HIP1R: variants seen among roughly 807,000 people sequenced by gnomAD.
The protein encoded by HIP1R is huntingtin interacting protein 1 related, also known as huntingtin-interacting protein 1-related protein.
HIP1R carries 135 observed loss-of-function variants against 144.2 expected under a neutral mutation model. That is an observed-to-expected ratio of 0.94 (90% CI 0.81 to 1.08). The LOEUF is 1.08. HIP1R is among the 50% of genes least tolerant of loss of function. The pLI is 0.00. For missense variants in HIP1R, 1,462 were observed against 1,432.8 expected (o/e 1.02, Z -0.33); for synonymous variants, 698 against 612.8 (o/e 1.14, Z -2.05).
At chr12:122,857,842 C>G (rs1264171707) in intron 18 of HIP1R, 10 of 401,422 alleles carry the variant, frequency 2.5e-5, no homozygotes, top group Non-Finnish European at 4.4e-5. Context: ...TGCTACATAT[C>G]TTTTCATGAG....
At chr12:122,858,470 T>C in intron 20 of HIP1R, 35 bp downstream of exon 20, 13 of 1,519,196 alleles carry the variant, frequency 8.6e-6, no homozygotes, top group Non-Finnish European at 1.1e-5. Context: ...AGGCGGGGGC[T>C]GTGTCCCAGT....
chr12:122,842,751 C>T (rs907356334), intron 1 of HIP1R, among the ~76,000 whole-genome samples: 7 of 152,236 alleles, frequency 4.6e-5, no homozygotes, highest in Admixed American at 1.3e-4. Context: ...AGCAGCCTCT[C>T]GGGAGCGTCC....
intron 2 of HIP1R, 121 bp from the exon 3 acceptor site, chr12:122,848,345 G>A (rs962157851): frequency 1.5e-5 from 19 of 1,260,928 alleles, no homozygotes; most frequent in South Asian, 2.9e-5. Context: ...CTGGTGACCC[G>A]GGGTTGATGG....
At chr12:122,851,119 G>A in intron 6 of HIP1R, 117 bp from the exon 7 acceptor site, 1 of 973,918 alleles carries the variant, frequency 1.0e-6, no homozygotes, top group Non-Finnish European at 1.5e-6. Flanking sequence ...GAGGCACGCT[G>A]TCTCACCAGA....
intron 24 of HIP1R, 23 bp downstream of exon 24, chr12:122,859,853 C>G (rs763255926): frequency 1.9e-5 from 30 of 1,607,970 alleles, no homozygotes; most frequent in Non-Finnish European, 2.4e-5. Context: ...TCTGTCCCCC[C>G]AGGCCCAGCC....
rs746866035 is a variant in HIP1R at position 122,856,293 on chromosome 12, G to A, written c.1350G>A (p.Leu450=). The A allele has an allele frequency of 6.2e-7, 1 of 1,613,882 alleles. No individual in the cohort carries two copies. The highest frequency in any genetic ancestry group is 8.5e-7 in the Non-Finnish European group (1 of 1,179,982). Residue 450 remains leucine (L), a synonymous_variant, in exon 15 of 32, where the codon CTG becomes CTA. Coordinates refer to ENST00000253083, the MANE Select transcript of HIP1R (RefSeq NM_003959.3). ...CCACGGAGGCGCGCTACAACAAGCT[G>A]AAGGAAAAGCACAGTGAGCTCGTCC... ...ASATEARYNK[L]KEKHSELVHV...
Position 122,855,390 on chromosome 12 carries a change from C to G in HIP1R, c.978C>G (p.Pro326=), listed in dbSNP as rs748278918. The change falls in exon 11 of 32, where the codon CCC becomes CCG. Residue 326 remains proline, a synonymous_variant. Coordinates refer to ENST00000253083, the MANE Select transcript of HIP1R (RefSeq NM_003959.3). ...ENLIEISTGP[P]AGEPVVVADL... is the part of the protein sequence containing the mutation. ...TCATTGAGATCAGCACAGGGCCCCC[C>G]GCGGGGGAGCCAGTGGTGAGCCCCC... 1 of 1,571,920 alleles carries G rather than the reference C, an allele frequency of 6.4e-7. No homozygotes were observed. The highest frequency in any genetic ancestry group is 1.4e-5 in the African/African-American group (1 of 73,760).
rs1210735012 is a variant in HIP1R at position 122,858,367 on chromosome 12, C to T, written c.1982C>T (p.Ala661Val). Residue 661 changes from alanine to valine, a missense_variant, in exon 20 of 32, where the codon GCC (alanine) becomes GTC (valine). By Grantham distance (64) the Ala-to-Val change is moderately conservative. Transcript: ENST00000253083. ...CTTGCAGACTACCTGGTGAGCAGGG[C>T]CCAGGAGGCCTTGGATGCCGTGAGC... is the stretch of plus-strand genomic sequence containing the variant. ...TSSPDYLVSRAQEALDAVSTL... is the reference protein window; with the variant it reads ...TSSPDYLVSRVQEALDAVSTL... 3 of 1,610,542 alleles carry T rather than the reference C, an allele frequency of 1.9e-6. No homozygotes were observed. Among genetic ancestry groups the T allele is most frequent in the Non-Finnish European group, 2.5e-6 (3 of 1,178,194 alleles).
At position 122,862,850 on chromosome 12, in the gene HIP1R, C is replaced by G. The variant is rs934503850; in HGVS notation, c.*1097C>G. ...CTCTGGAAAGGCTACCAAATACTGGCCAAGGTCAGGAGGAGCAAAAATGAG... is the reference window on the plus strand; with the variant it reads ...CTCTGGAAAGGCTACCAAATACTGGGCAAGGTCAGGAGGAGCAAAAATGAG... On this transcript the variant is annotated 3_prime_UTR_variant, in exon 32 of 32. Coordinates refer to ENST00000253083, the MANE Select transcript of HIP1R (RefSeq NM_003959.3). 1 of 152,138 alleles carries G rather than the reference C, an allele frequency of 6.6e-6. No homozygotes were observed. Among genetic ancestry groups the G allele is most frequent in the Non-Finnish European group, 1.5e-5 (1 of 68,014 alleles). The allele number at this position is 152,138 out of a possible 1,614,324, so 9.4% of individuals were successfully genotyped here.
In HIP1R at chr12:122,855,362, A is replaced by C; in HGVS notation, c.950A>C (p.Asn317Thr). ...EEAPEDEEPE[N>T]LIEISTGPPA... The stretch of plus-strand genomic sequence containing the variant: ...GCCCCGGAAGATGAGGAGCCGGAGA[A>C]TCTCATTGAGATCAGCACAGGGCCC... Residue 317 changes from asparagine to threonine, a missense_variant, in exon 11 of 32, where the codon AAT becomes ACT. Asn to Thr is a moderately conservative substitution (Grantham distance 65, BLOSUM62 0). This residue lies in a region of HIP1R where 1,112 missense variants were observed against 1,011.7 expected (regional missense o/e 1.10). Transcript: ENST00000253083. 1.4e-5 allele frequency: 23 copies of C among 1,600,188 alleles called. No individual in the cohort carries two copies. The highest frequency in any genetic ancestry group is 1.8e-5 in the Non-Finnish European group (21 of 1,174,560).
chr12:122,860,430 C>T lies in HIP1R; in HGVS notation c.2567C>T (p.Ala856Val). 2 of 1,613,382 alleles carry T rather than the reference C, an allele frequency of 1.2e-6. No individual in the cohort carries two copies. Among genetic ancestry groups the T allele is most frequent in the Non-Finnish European group, 1.7e-6 (2 of 1,179,968 alleles). ...KEIVESGRGA[A>V]TQQEFYAKNS... ...TTCTCCCGTCGCCACTAGGGGGCAG[C>T]CACGCAGCAGGAATTTTACGCCAAG... The change falls in exon 27 of 32, where the codon GCC (alanine) becomes GTC (valine). Residue 856 changes from alanine to valine, a missense_variant. Ala to Val is a moderately conservative substitution (Grantham distance 64). Around this residue, in one of 2 missense-constraint regions of HIP1R, gnomAD observed 1,112 missense variants for 1,011.7 expected, o/e 1.10. Coordinates refer to ENST00000253083, the MANE Select transcript of HIP1R (RefSeq NM_003959.3).
At chr12:122,860,587 TCAA>T (rs1171453168) in intron 27 of HIP1R, 64 bp downstream of exon 27, 2 of 1,547,084 alleles carry the variant, frequency 1.3e-6, no homozygotes, top group Non-Finnish European at 1.8e-6. Context: ...AGTTTGGGGT[TCAA>T]CAGGGTGCAG....
At chr12:122,845,283 C>T (rs555829593) in intron 1 of HIP1R, among the ~76,000 whole-genome samples, 15 of 152,194 alleles carry the variant, frequency 9.9e-5, no homozygotes, top group Admixed American at 5.2e-4. Flanking sequence ...TGGTCAGAGG[C>T]GAGGCCCACG....
At chr12:122,850,693 T>TG (rs534677191) in intron 5 of HIP1R, 142 bp from the exon 6 acceptor site, 15,050 of 51,770 alleles carry the variant, frequency 0.29, 6,032 homozygotes, top group Non-Finnish European at 0.35. Flanking sequence ...GCCGCTGGGT[T>TG]GGGGGGCCCT....
At position 122,857,232 on chromosome 12, in the gene HIP1R, T is replaced by A. The variant is rs2033613882; in HGVS notation, c.1815+17T>A. The A allele has an allele frequency of 6.5e-7, 1 of 1,548,584 alleles. No individual in the cohort carries two copies. The highest frequency in any genetic ancestry group is 1.4e-5 in the African/African-American group (1 of 73,016). Reference sequence around the variant, plus strand: ...GCAGAGAGGGTATGGCCTCCCCAGATGCAGCAGCACCACTGAGTTCACTGC... The same window carrying A: ...GCAGAGAGGGTATGGCCTCCCCAGAAGCAGCAGCACCACTGAGTTCACTGC... On this transcript the variant is annotated intron_variant, in intron 18 of 31. Transcript: ENST00000253083.
At chr12:122,843,557 CTGCCCCCT>C (rs1407557732) in intron 1 of HIP1R, among the ~76,000 whole-genome samples, 3 of 152,196 alleles carry the variant, frequency 2.0e-5, no homozygotes, top group Non-Finnish European at 4.4e-5. Flanking sequence ...AGAGCCTCAC[CTGCCCCCT>C]GGGCCCCTGG....
At chr12:122,859,588 GGA>G in intron 23 of HIP1R, 52 bp downstream of exon 23, 1 of 1,462,014 alleles carries the variant, frequency 6.8e-7, no homozygotes, top group Non-Finnish European at 9.5e-7. Flanking sequence ...TTTGGGGGCC[GGA>G]GGCCCCAACT....
chr12:122,850,752 G>T (rs767823353), intron 5 of HIP1R, 83 bp from the exon 6 acceptor site: 1 of 941,932 alleles, frequency 1.1e-6, no homozygotes, highest in South Asian at 1.5e-5. Context: ...TGGCCGCTGG[G>T]TGGGGGGGAG....
At chr12:122,860,099 G>T in intron 25 of HIP1R, 22 bp downstream of exon 25, 2 of 1,579,546 alleles carry the variant, frequency 1.3e-6, no homozygotes, top group Non-Finnish European at 8.6e-7. Flanking sequence ...TGACCCGGGG[G>T]GGTCTGCACC....
Sources: gnomAD v4.1 joint callset for allele counts (sites outside exome capture counted in the v4.1 genomes callset) on GRCh38, gnomAD v4.1.1 for gene constraint, gnomAD v4.1.1 regional missense constraint, MANE v1.5 for transcripts, NCBI Gene and HGNC (gene_info 2026-07-23, HGNC 2026-07-21) for gene names.